MAGI2: variants seen among roughly 807,000 people sequenced by gnomAD.
The protein encoded by MAGI2 is membrane associated guanylate kinase, WW and PDZ domain containing 2.
A neutral mutation model predicts 133.3 loss-of-function variants in MAGI2; 35 were observed. The observed-to-expected ratio is 0.26, with a 90% CI of 0.20 to 0.35. The LOEUF (loss-of-function observed/expected upper bound fraction) is 0.35. Among genes scored for constraint, MAGI2 ranks in the 10% least tolerant of loss-of-function variants. The probability of loss-of-function intolerance (pLI) is 1.00; values close to 1 mark genes in which losing one functional copy is unlikely to be tolerated. For synonymous variants in MAGI2, 729 were observed against 710.6 expected, an observed-to-expected ratio of 1.03 and a Z score of -0.41; for missense variants, 1,636 against 1,863.4, an observed-to-expected ratio of 0.88 and a Z score of 2.25.
intron 13 of MAGI2, 39 bp downstream of exon 13, chr7:78,185,590 G>A (rs766872475): frequency 1.8e-5 from 26 of 1,483,120 alleles, no homozygotes; most frequent in African/African-American, 2.8e-5. Context: ...AATGGAAGAC[G>A]TTTTGTTCAC....
chr7:79,030,135 G>C (rs990557295), intron 1 of MAGI2: 1 of 152,142 alleles, frequency 6.6e-6, no homozygotes, highest in Non-Finnish European at 1.5e-5. Context: ...TATGCAAAAG[G>C]CTGAGTTTAA....
intron 2 of MAGI2, among the ~76,000 whole-genome samples, chr7:78,691,504 G>C (rs568266214): frequency 1.7e-3 from 258 of 152,294 alleles, no homozygotes; most frequent in Middle Eastern, 3.4e-3. Context: ...AAGTGGGTGA[G>C]AGCCTTCATC....
chr7:79,248,015 C>G (rs1384340886), intron 1 of MAGI2, among the ~76,000 whole-genome samples: 3 of 152,008 alleles, frequency 2.0e-5, no homozygotes, highest in Non-Finnish European at 4.4e-5. Flanking sequence ...TAAGTTCATA[C>G]TTATTAATAA....
chr7:78,316,592 G>C (rs1023098787), intron 9 of MAGI2, among the ~76,000 whole-genome samples: 1 of 152,154 alleles, frequency 6.6e-6, no homozygotes, highest in African/African-American at 2.4e-5. Flanking sequence ...CTATTACAAA[G>C]TAGATAATTT....
rs1479797907 is a variant in MAGI2 at position 78,941,765 on chromosome 7, C to CACAG, written c.418+65324_418+65325insCTGT. ...ACACACACACACACACACACACACA[C>CACAG]ACACACACACTTCTCTTTACTCATG... On this transcript the variant is annotated intron_variant, in intron 2 of 21. Transcript: ENST00000354212. Among the ~76,000 whole-genome samples, 8 of 150,896 alleles carry CACAG rather than the reference C, an allele frequency of 5.3e-5. No homozygotes were observed. The East Asian group carries it at 1.5e-3, about 29-fold the overall frequency.
chr7:78,289,521 C>A (rs1355985031), intron 9 of MAGI2, among the ~76,000 whole-genome samples: 6 of 152,170 alleles, frequency 3.9e-5, no homozygotes, highest in Non-Finnish European at 8.8e-5. Flanking sequence ...AGTTGGAAAA[C>A]ACTCTTCAGG....
At chr7:78,763,197 T>C (rs2151303786) in intron 2 of MAGI2, among the ~76,000 whole-genome samples, 1 of 152,318 alleles carries the variant, frequency 6.6e-6, no homozygotes, top group South Asian at 2.1e-4. Flanking sequence ...AATTAGCAAA[T>C]ACTTTTCCTA....
At chr7:79,185,969 C>T (rs10280168) in intron 1 of MAGI2, among the ~76,000 whole-genome samples, 25,554 of 151,262 alleles carry the variant, frequency 0.17, 4,878 homozygotes, top group African/African-American at 0.46. Flanking sequence ...CTTATATGAA[C>T]TTAAAATATG....
At chr7:78,520,647 T>A (rs1796416812) in intron 4 of MAGI2, among the ~76,000 whole-genome samples, 1 of 152,134 alleles carries the variant, frequency 6.6e-6, no homozygotes, top group Non-Finnish European at 1.5e-5. Context: ...GTTTTGTTGT[T>A]GTTTTGGTAA....
chr7:78,571,638 T>A (rs577585679), intron 3 of MAGI2, among the ~76,000 whole-genome samples: 1 of 152,050 alleles, frequency 6.6e-6, no homozygotes. Context: ...ACAGATTTTA[T>A]GGAAAATTAA....
intron 2 of MAGI2, among the ~76,000 whole-genome samples, chr7:78,631,882 C>T: frequency 6.6e-6 from 1 of 152,162 alleles, no homozygotes; most frequent in East Asian, 1.9e-4. Flanking sequence ...TCAGTATTAC[C>T]TCGAGCAAGG....
intron 2 of MAGI2, among the ~76,000 whole-genome samples, chr7:78,669,045 A>G (rs1435585843): frequency 4.6e-5 from 7 of 152,138 alleles, no homozygotes; most frequent in Non-Finnish European, 8.8e-5. Context: ...TCAAAAGCTA[A>G]CAGAAGGCAA....
At chr7:78,290,593 C>T (rs1012599024) in intron 9 of MAGI2, among the ~76,000 whole-genome samples, 13 of 152,262 alleles carry the variant, frequency 8.5e-5, no homozygotes, top group African/African-American at 2.9e-4. Flanking sequence ...CCAAGCAGAC[C>T]TAATAGACAT....
At chr7:78,707,049 G>T (rs77388638) in intron 2 of MAGI2, among the ~76,000 whole-genome samples, 1 of 125,348 alleles carries the variant, frequency 8.0e-6, no homozygotes, top group African/African-American at 3.4e-5. Flanking sequence ...AACTATCAAA[G>T]AAACTAACAA....
intron 1 of MAGI2, among the ~76,000 whole-genome samples, chr7:79,214,537 A>T (rs1829839628): frequency 7.1e-6 from 1 of 141,246 alleles, no homozygotes; most frequent in Non-Finnish European, 1.5e-5. Context: ...AAATGATAAG[A>T]GGAAACATGG....
At chr7:78,510,723 AGTTCTCTATTAT>A (rs1795491050) in intron 4 of MAGI2, among the ~76,000 whole-genome samples, 1 of 152,158 alleles carries the variant, frequency 6.6e-6, no homozygotes, top group African/African-American at 2.4e-5. Context: ...ATTCTTTTCA[AGTTCTCTATTAT>A]GTTCTCTAGA....
At chr7:79,263,003 T>A (rs1264056579) in intron 1 of MAGI2, among the ~76,000 whole-genome samples, 1 of 152,212 alleles carries the variant, frequency 6.6e-6, no homozygotes, top group East Asian at 1.9e-4. Context: ...TCCCAAATGT[T>A]GTTGTGCTTG....
chr7:79,326,881 C>A (rs1839736646), intron 1 of MAGI2, among the ~76,000 whole-genome samples: 1 of 152,110 alleles, frequency 6.6e-6, no homozygotes, highest in South Asian at 2.1e-4. Flanking sequence ...ATACTAGGAT[C>A]TTAACAATTC....
intron 1 of MAGI2, among the ~76,000 whole-genome samples, chr7:79,033,966 AT>A (rs1212220412): frequency 1.5e-4 from 23 of 151,910 alleles, no homozygotes; most frequent in African/African-American, 4.8e-4. Context: ...TTTAAAAAAA[AT>A]GTTCTAGTAA....
Sources: allele counts gnomAD v4.1 joint callset (sites outside exome capture counted in the v4.1 genomes callset), GRCh38; gene constraint gnomAD v4.1.1; transcripts MANE v1.5; gene names NCBI Gene and HGNC (gene_info 2026-07-23, HGNC 2026-07-21).